The following ANAPC1 variants were observed in gnomAD, a reference collection of about 807,000 sequenced individuals.
ANAPC1 encodes anaphase-promoting complex subunit 1.
A neutral mutation model predicts 208.0 loss-of-function variants in ANAPC1; 36 were observed. The observed-to-expected ratio is 0.17, with a 90% CI of 0.13 to 0.23. ANAPC1 has a LOEUF of 0.23. Among genes scored for constraint, ANAPC1 ranks in the 10% least tolerant of loss-of-function variants. The probability of loss-of-function intolerance (pLI) is 1.00; values close to 1 mark genes in which losing one functional copy is unlikely to be tolerated. For missense variants in ANAPC1, 942 were observed against 2,011.6 expected, an observed-to-expected ratio of 0.47 and a Z score of 10.17; for synonymous variants, 378 against 695.2, an observed-to-expected ratio of 0.54 and a Z score of 7.18.
At chr2:111,836,840 C>T (rs1174900115) in intron 18 of ANAPC1, among the ~76,000 whole-genome samples, 8 of 151,836 alleles carry the variant, frequency 5.3e-5, no homozygotes, top group Admixed American at 5.2e-4. Context: ...TGGTGGCACA[C>T]ACCTGTAATT....
At chr2:111,879,106 A>G (rs1201888985) in intron 2 of ANAPC1, 135 bp from the exon 3 acceptor site, 5 of 847,720 alleles carry the variant, frequency 5.9e-6, no homozygotes, top group Non-Finnish European at 9.2e-6. Context: ...ACACTGATTA[A>G]CGGAGGATGT....
At chr2:111,777,232 G>A (rs1019417169) in intron 45 of ANAPC1, among the ~76,000 whole-genome samples, 175 bp from the exon 46 acceptor site, 4 of 152,164 alleles carry the variant, frequency 2.6e-5, no homozygotes, top group African/African-American at 9.7e-5. Context: ...GGGTACAGGT[G>A]CATGGCTCAC....
intron 22 of ANAPC1, 33 bp downstream of exon 22, chr2:111,825,744 T>C (rs1320064827): frequency 6.3e-7 from 1 of 1,590,078 alleles, no homozygotes; most frequent in Non-Finnish European, 8.6e-7. Flanking sequence ...TTTACAAAAA[T>C]TTGTTTCCAG....
chr2:111,838,653 G>T (rs13021325), intron 17 of ANAPC1, 141 bp from the exon 18 acceptor site: 2 of 602,172 alleles, frequency 3.3e-6, no homozygotes, highest in South Asian at 2.6e-5. Flanking sequence ...ATCTGGAAAG[G>T]CATTATTTAA....
intron 7 of ANAPC1, among the ~76,000 whole-genome samples, chr2:111,865,411 CA>C (rs2104568578): frequency 6.6e-6 from 1 of 152,170 alleles, no homozygotes; most frequent in South Asian, 2.1e-4. Flanking sequence ...TTACTAGTTA[CA>C]CATGCAAAAT....
rs1682815109 is a variant in ANAPC1 at position 111,872,629 on chromosome 2, C to T, written c.611+1G>A. The T allele has an allele frequency of 6.2e-7, 1 of 1,606,492 alleles. No individual in the cohort carries two copies. On this transcript the variant is annotated splice_donor_variant, in intron 6 of 47. Coordinates refer to ENST00000341068, the MANE Select transcript of ANAPC1 (RefSeq NM_022662.4). LOFTEE classifies it high-confidence loss of function. The stretch of plus-strand genomic sequence containing the variant: ...TATTCTGAAGTGAATAAAATGAATA[C>T]CTGGGTGAACCTGGAGGTACTTCAT...
At chr2:111,818,523 ATTAAAC>A (rs1307427878) in intron 27 of ANAPC1, among the ~76,000 whole-genome samples, 2 of 150,722 alleles carry the variant, frequency 1.3e-5, no homozygotes, top group African/African-American at 4.8e-5. Flanking sequence ...ATTTTTACAT[ATTAAAC>A]TTAAGATTAT....
chr2:111,877,606 C>T (rs1452815629), intron 3 of ANAPC1, among the ~76,000 whole-genome samples: 14 of 151,978 alleles, frequency 9.2e-5, no homozygotes, highest in Non-Finnish European at 1.0e-4. Flanking sequence ...CAGTGAAACC[C>T]CAGCTCTACT....
chr2:111,882,545 C>G (rs1683357754), intron 1 of ANAPC1, among the ~76,000 whole-genome samples: 1 of 150,736 alleles, frequency 6.6e-6, no homozygotes, highest in South Asian at 2.1e-4. Flanking sequence ...GCCTGGCCAA[C>G]ATGGTCAAAC....
chr2:111,800,512 G>A (rs1234805383), intron 34 of ANAPC1, among the ~76,000 whole-genome samples: 1 of 122,312 alleles, frequency 8.2e-6, no homozygotes, highest in Non-Finnish European at 1.7e-5. Flanking sequence ...AGAGTATTCT[G>A]GCAAACATAT....
intron 6 of ANAPC1, 141 bp downstream of exon 6, chr2:111,872,489 T>A (rs923090520): frequency 3.1e-6 from 2 of 652,906 alleles, no homozygotes; most frequent in Non-Finnish European, 5.1e-6. Flanking sequence ...ACTCAACTTG[T>A]ACTGAGATGA....
intron 6 of ANAPC1, among the ~76,000 whole-genome samples, chr2:111,870,645 T>G (rs1682696403): frequency 2.0e-5 from 3 of 152,250 alleles, no homozygotes; most frequent in African/African-American, 7.2e-5. Context: ...TCCCACTGTG[T>G]GAACTATCTG....
At chr2:111,871,414 T>C (rs1682738290) in intron 6 of ANAPC1, among the ~76,000 whole-genome samples, 1 of 152,168 alleles carries the variant, frequency 6.6e-6, no homozygotes, top group Non-Finnish European at 1.5e-5. Context: ...TTAAGCATAT[T>C]CATAGGTTTT....
At chr2:111,879,092 T>G (rs1219554431) in intron 2 of ANAPC1, 121 bp from the exon 3 acceptor site, 1 of 845,532 alleles carries the variant, frequency 1.2e-6, no homozygotes, top group Admixed American at 2.9e-5. Flanking sequence ...CTACAAAGTT[T>G]GGTACACTGA....
chr2:111,831,517 A>G, intron 20 of ANAPC1, 83 bp from the exon 21 acceptor site: 7 of 1,139,052 alleles, frequency 6.1e-6, no homozygotes, highest in Non-Finnish European at 8.8e-6. Context: ...GATGATCAAC[A>G]GTTACTTGTC....
chr2:111,853,909 G>C (rs536826406), intron 13 of ANAPC1, among the ~76,000 whole-genome samples: 1 of 151,982 alleles, frequency 6.6e-6, no homozygotes, highest in South Asian at 2.1e-4. Flanking sequence ...GTAGACACAG[G>C]GTTTCACCGT....
chr2:111,862,468 A>G lies in ANAPC1; in HGVS notation c.1183T>C (p.Phe395Leu), dbSNP rs777023029. The G allele has an allele frequency of 3.7e-6, 6 of 1,611,648 alleles. No homozygotes were observed. In the Admixed American group the frequency reaches 8.3e-5, roughly 22 times the overall value. Residue 395 changes from phenylalanine to leucine, a missense_variant, in exon 10 of 48, where the codon TTT becomes CTT. Phe to Leu is a conservative substitution (Grantham distance 22). Coordinates refer to ENST00000341068, the MANE Select transcript of ANAPC1 (RefSeq NM_022662.4). ...ATTGGCTCCGTTTCTGGTGCAAGAA[A>G]GGAGCCATTAGAATTACTATTTGGA... ...HSPNSNSNGSFLAPETEPIVP... is the reference protein window; with the variant it reads ...HSPNSNSNGSLLAPETEPIVP...
chr2:111,853,845 T>C (rs1343929469), intron 13 of ANAPC1, among the ~76,000 whole-genome samples: 5 of 151,854 alleles, frequency 3.3e-5, no homozygotes, highest in Non-Finnish European at 5.9e-5. Flanking sequence ...GCCTCCCGAG[T>C]AGCTGGAACT....
rs567370086 is a variant in ANAPC1, at chr2:111,793,233, TTTG to T, written c.4519-681_4519-679del. ...ACTCACAAAAAAAAGTTGTTTCTTTTTTGTTGTTGTTGTTTTTTTTGGAGACAG... is the reference window on the plus strand; with the variant it reads ...ACTCACAAAAAAAAGTTGTTTCTTTTTTGTTGTTGTTTTTTTTGGAGACAG... On this transcript the variant is annotated intron_variant, in intron 37 of 47. Transcript: ENST00000341068. Among the ~76,000 whole-genome samples, 126 of 150,846 alleles carry T rather than the reference TTTG, an allele frequency of 8.4e-4. 1 individual carries two copies. The South Asian group carries it at 9.8e-3, about 12-fold the overall frequency.
Sources: allele counts gnomAD v4.1 joint callset (sites outside exome capture counted in the v4.1 genomes callset), GRCh38; gene constraint gnomAD v4.1.1; transcripts MANE v1.5; gene names NCBI Gene and HGNC (gene_info 2026-07-23, HGNC 2026-07-21).